Variants in PLCL1 observed in about 807,000 individuals in gnomAD.
PLCL1 encodes the protein inactive phospholipase C-like protein 1.
Under a neutral mutation model 84.4 loss-of-function variants are expected in PLCL1, and 41 were observed. That is an observed-to-expected ratio of 0.49 (90% CI 0.38 to 0.63). The LOEUF is 0.63. Among genes scored for constraint, PLCL1 ranks in the 30% least tolerant of loss-of-function variants. The probability of loss-of-function intolerance (pLI) is 0.00; values close to 1 mark genes in which losing one functional copy is unlikely to be tolerated. For synonymous variants in PLCL1, 490 were observed against 488.3 expected, an observed-to-expected ratio of 1.00 and a Z score of -0.05; for missense variants, 1,206 against 1,367.8, an observed-to-expected ratio of 0.88 and a Z score of 1.87.
chr2:197,998,618 G>T (rs899685053), intron 1 of PLCL1, among the ~76,000 whole-genome samples: 1 of 152,122 alleles, frequency 6.6e-6, no homozygotes, highest in African/African-American at 2.4e-5. Flanking sequence ...CATCAGAAAA[G>T]CTTTTGTTTT....
intron 1 of PLCL1, among the ~76,000 whole-genome samples, chr2:197,816,366 C>T (rs1476400930): frequency 6.6e-6 from 1 of 152,042 alleles, no homozygotes; most frequent in Non-Finnish European, 1.5e-5. Context: ...AATGCTATAG[C>T]ACATTTAATA....
rs574140279 is a variant in PLCL1, at chr2:197,842,947, T to A, written c.240+37608T>A. ...ATAGGAAAGAATCCAAATTTGTTAA[T>A]GCATTCAGGTCACTCTAGCACTCCA... On this transcript the variant is annotated intron_variant, in intron 1 of 5. Transcript: ENST00000428675. Among the ~76,000 whole-genome samples the A allele has an allele frequency of 5.9e-5, 9 of 152,346 alleles. No homozygotes were observed. The South Asian group carries it at 1.9e-3, about 32-fold the overall frequency.
intron 1 of PLCL1, among the ~76,000 whole-genome samples, chr2:197,831,302 C>A (rs1261701448): frequency 6.6e-6 from 1 of 150,758 alleles, no homozygotes; most frequent in African/African-American, 2.4e-5. Flanking sequence ...CACATAAGCT[C>A]AAAATAAAGA....
intron 3 of PLCL1, among the ~76,000 whole-genome samples, chr2:198,100,154 G>A (rs1305190225): frequency 2.0e-5 from 3 of 152,044 alleles, no homozygotes; most frequent in Non-Finnish European, 2.9e-5. Context: ...TATCACAAAA[G>A]CAAAACGGGG....
At position 197,805,010 on chromosome 2, in the gene PLCL1, T is replaced by A; in HGVS notation, c.-90T>A. 7.4e-7 allele frequency: 1 copy of A among 1,349,654 alleles called. No individual in the cohort carries two copies. The highest frequency in any genetic ancestry group is 9.6e-7 in the Non-Finnish European group (1 of 1,042,092). 83.6% of individuals were successfully genotyped at this position (1,349,654 alleles called of 1,614,324 possible). On this transcript the variant is annotated 5_prime_UTR_variant, in exon 1 of 6. Transcript: ENST00000428675. The surrounding 1 kb of genome is among the most constrained non-coding windows in gnomAD (Gnocchi z 4.0). ...TGAAACAAAGTCTGGCGGGGCCGCC[T>A]CCCGGTGCAGGAGCGCACCGGTGCC...
At chr2:197,909,891 AG>A (rs1156693702) in intron 1 of PLCL1, among the ~76,000 whole-genome samples, 2 of 151,970 alleles carry the variant, frequency 1.3e-5, no homozygotes, top group African/African-American at 4.8e-5. Context: ...GGAAATGGGA[AG>A]TGAGCTCTCT....
At chr2:197,830,947 C>T (rs1306741594) in intron 1 of PLCL1, among the ~76,000 whole-genome samples, 1 of 152,106 alleles carries the variant, frequency 6.6e-6, no homozygotes, top group Non-Finnish European at 1.5e-5. Context: ...AAATAAAATC[C>T]TTTACAGACA....
At chr2:198,107,297 C>T (rs1693499382) in intron 5 of PLCL1, among the ~76,000 whole-genome samples, 1 of 151,850 alleles carries the variant, frequency 6.6e-6, no homozygotes, top group Non-Finnish European at 1.5e-5. Context: ...CAGGTCCCTC[C>T]TACAACACGT....
intron 1 of PLCL1, among the ~76,000 whole-genome samples, chr2:197,854,530 C>A: frequency 6.6e-6 from 1 of 151,940 alleles, no homozygotes; most frequent in African/African-American, 2.4e-5. Flanking sequence ...ATAATGTTTG[C>A]AAAGGTATAT....
intron 1 of PLCL1, among the ~76,000 whole-genome samples, chr2:198,078,692 G>A (rs1363577154): frequency 6.6e-6 from 1 of 151,914 alleles, no homozygotes; most frequent in African/African-American, 2.4e-5. Flanking sequence ...TTCTAACAAA[G>A]AATCATTTTA....
intron 1 of PLCL1, among the ~76,000 whole-genome samples, chr2:198,030,175 C>T (rs1691377713): frequency 6.6e-6 from 1 of 152,040 alleles, no homozygotes. Context: ...CACCCTCCAC[C>T]CTCCAGTAGG....
In PLCL1 at chr2:198,085,830, A is replaced by G. The variant is rs751374863; in HGVS notation, c.2313A>G (p.Gln771=). ...AACAAAGAACTAAAACTGTACAGCA[A>G]AACAGTGATAATCCTATTTTTGATG... The part of the protein sequence containing the change: ...CSEQRTKTVQ[Q]NSDNPIFDET... The change falls in exon 2 of 6, where the codon CAA becomes CAG. Residue 771 remains glutamine (Q), a synonymous_variant. Coordinates refer to ENST00000428675, the MANE Select transcript of PLCL1 (RefSeq NM_006226.4). This position sits in a 1 kb window ranked among gnomAD's most constrained non-coding sequence, Gnocchi z 5.3. 5 of 1,614,166 alleles carry G rather than the reference A, an allele frequency of 3.1e-6. No individual in the cohort carries two copies. The highest frequency in any genetic ancestry group is 4.2e-6 in the Non-Finnish European group (5 of 1,179,994).
chr2:198,036,057 G>T lies in PLCL1; in HGVS notation c.241-47701G>T, dbSNP rs114742991. Among the ~76,000 whole-genome samples, 680 of 152,250 alleles carry T rather than the reference G, an allele frequency of 4.5e-3. 5 individuals are homozygous for T. The highest frequency in any genetic ancestry group is 0.016 in the African/African-American group (651 of 41,538). On this transcript the variant is annotated intron_variant, in intron 1 of 5. Coordinates refer to ENST00000428675, the MANE Select transcript of PLCL1 (RefSeq NM_006226.4). ...GTCTCAAAAATAAAAAATGTATGTA[G>T]TATGATTGATTGAAAATCATCATTT...
At chr2:197,985,605 A>T (rs1690204509) in intron 1 of PLCL1, among the ~76,000 whole-genome samples, 1 of 152,232 alleles carries the variant, frequency 6.6e-6, no homozygotes, top group South Asian at 2.1e-4. Flanking sequence ...CAATTATTTT[A>T]TATCAATGAT....
intron 1 of PLCL1, among the ~76,000 whole-genome samples, chr2:197,838,076 G>A (rs1455615003): frequency 6.6e-6 from 1 of 152,160 alleles, no homozygotes; most frequent in African/African-American, 2.4e-5. Flanking sequence ...AAATTGATAG[G>A]TTAAGCTAAA....
intron 1 of PLCL1, among the ~76,000 whole-genome samples, chr2:197,998,246 A>C (rs1574235023): frequency 7.0e-6 from 1 of 142,124 alleles, no homozygotes; most frequent in South Asian, 2.3e-4. Flanking sequence ...GCCTGTGTGC[A>C]TGTGTGTATG....
chr2:197,917,770 A>G (rs566675025), intron 1 of PLCL1, among the ~76,000 whole-genome samples: 6 of 152,210 alleles, frequency 3.9e-5, no homozygotes, highest in Non-Finnish European at 8.8e-5. Context: ...AACCTGTAGT[A>G]TCTTGTAGTG....
intron 1 of PLCL1, among the ~76,000 whole-genome samples, chr2:198,037,934 A>G (rs1169633538): frequency 1.3e-5 from 2 of 152,218 alleles, no homozygotes; most frequent in African/African-American, 2.4e-5. Flanking sequence ...CTTTGTAAGT[A>G]TCTTTTAAGT....
intron 5 of PLCL1, among the ~76,000 whole-genome samples, chr2:198,124,132 AT>A (rs1693933782): frequency 6.6e-6 from 1 of 152,110 alleles, no homozygotes; most frequent in Non-Finnish European, 1.5e-5. Flanking sequence ...GAAAAATGTA[AT>A]TTAATTAGGA....
Sources: allele counts gnomAD v4.1 joint callset (sites outside exome capture counted in the v4.1 genomes callset), GRCh38; gene constraint gnomAD v4.1.1; non-coding constraint Gnocchi (gnomAD v3.1); transcripts MANE v1.5; gene names NCBI Gene and HGNC (gene_info 2026-07-23, HGNC 2026-07-21).